Variants in C16orf74 observed in about 807,000 individuals in gnomAD.
C16orf74 encodes calcimembrin, also known as uncharacterized protein C16orf74.
A neutral mutation model predicts 6.5 loss-of-function variants in C16orf74; 10 were observed. That is an observed-to-expected ratio of 1.54 (90% CI 0.95 to 2.61). C16orf74 has a LOEUF of 2.61. Ranked by LOEUF, C16orf74 falls within the 30% of genes most tolerant of loss-of-function variation. C16orf74 has a pLI of 0.00. For missense variants in C16orf74, 141 were observed against 105.9 expected (o/e 1.33, Z -1.45); for synonymous variants, 60 against 42.5 (o/e 1.41, Z -1.60).
chr16:85,726,904 G>A (rs966137094), intron 2 of C16orf74, among the ~76,000 whole-genome samples: 1 of 152,166 alleles, frequency 6.6e-6, no homozygotes, highest in Non-Finnish European at 1.5e-5. Context: ...ACCGGAAACA[G>A]CCACCCCTTC....
chr16:85,737,053 A>T (rs1033489193), intron 1 of C16orf74, among the ~76,000 whole-genome samples: 6 of 152,088 alleles, frequency 3.9e-5, no homozygotes, highest in African/African-American at 9.7e-5. Context: ...GAGAAAAAAA[A>T]AAATGTAAAA....
intron 1 of C16orf74, 127 bp from the exon 2 acceptor site, chr16:85,735,362 C>A: frequency 2.0e-6 from 1 of 493,940 alleles, no homozygotes. Context: ...GAGAAACCAC[C>A]GGCCTCCAGG....
intron 2 of C16orf74, among the ~76,000 whole-genome samples, chr16:85,716,732 GGAGA>G (rs1302703804): frequency 6.6e-6 from 1 of 151,800 alleles, no homozygotes; most frequent in Non-Finnish European, 1.5e-5. Context: ...CAGGCAGGGA[GGAGA>G]GAGACACCCC....
chr16:85,746,958 C>T (rs751360772), intron 1 of C16orf74, among the ~76,000 whole-genome samples: 15 of 152,170 alleles, frequency 9.9e-5, no homozygotes, highest in Non-Finnish European at 1.5e-4. Flanking sequence ...AGCTTAGCCA[C>T]GGTCCTGCGG....
intron 1 of C16orf74, among the ~76,000 whole-genome samples, chr16:85,735,655 C>G (rs1249744127): frequency 1.3e-5 from 2 of 151,952 alleles, no homozygotes; most frequent in African/African-American, 4.8e-5. Context: ...CCCAGAGGCC[C>G]CCATGGCCAT....
rs763953882 is a variant in C16orf74 at position 85,708,040 on chromosome 16, G to C, written c.199C>G (p.Pro67Ala). 1.8e-5 allele frequency: 28 copies of C among 1,553,506 alleles called. No individual in the cohort carries two copies. In the South Asian group the frequency reaches 3.3e-4, roughly 18 times the overall value. Reference protein sequence around the residue: ...TVWLDETGSCPDDGEIDPEA With the variant: ...TVWLDETGSCADDGEIDPEA The stretch of plus-strand genomic sequence containing the variant: ...TCTGGGTCGATTTCTCCATCATCTG[G>C]GCACGACCCTGTCTCATCCAGCCAG... Residue 67 changes from proline (P) to alanine (A), a missense_variant, in exon 4 of 4, where the codon CCA becomes GCA. Physicochemically the swap from Pro to Ala is conservative, Grantham distance 27. Coordinates refer to ENST00000284245, the MANE Select transcript of C16orf74 (RefSeq NM_206967.3).
chr16:85,723,866 A>AC (rs1453182505), intron 2 of C16orf74, among the ~76,000 whole-genome samples: 3 of 152,328 alleles, frequency 2.0e-5, no homozygotes, highest in African/African-American at 7.2e-5. Context: ...GCCCAGACAC[A>AC]CATCTGCTCT....
At chr16:85,720,588 C>T (rs1266163298) in intron 2 of C16orf74, among the ~76,000 whole-genome samples, 1 of 151,994 alleles carries the variant, frequency 6.6e-6, no homozygotes, top group Non-Finnish European at 1.5e-5. Flanking sequence ...GCCTGGACAA[C>T]ATAGCAAGAC....
chr16:85,729,325 G>A (rs981125370), intron 2 of C16orf74, among the ~76,000 whole-genome samples: 4 of 152,208 alleles, frequency 2.6e-5, no homozygotes, highest in East Asian at 1.9e-4. Context: ...TTGGCCTGTG[G>A]GACACTCCCG....
At chr16:85,737,756 G>A (rs1304324943) in intron 1 of C16orf74, among the ~76,000 whole-genome samples, 1 of 152,000 alleles carries the variant, frequency 6.6e-6, no homozygotes, top group African/African-American at 2.4e-5. Context: ...TCTTGAACCT[G>A]GGAGATGGAG....
At chr16:85,735,968 T>G (rs2054240171) in intron 1 of C16orf74, among the ~76,000 whole-genome samples, 1 of 151,958 alleles carries the variant, frequency 6.6e-6, no homozygotes, top group South Asian at 2.1e-4. Context: ...CTCAGAGAGG[T>G]GGCGGCACCT....
At chr16:85,750,025 C>T (rs1468692988) in intron 1 of C16orf74, among the ~76,000 whole-genome samples, 1 of 152,226 alleles carries the variant, frequency 6.6e-6, no homozygotes, top group Non-Finnish European at 1.5e-5. Flanking sequence ...GGACAGGGGC[C>T]TCCCCACAGC....
chr16:85,721,508 T>C (rs1174056697), intron 2 of C16orf74, among the ~76,000 whole-genome samples: 1 of 152,200 alleles, frequency 6.6e-6, no homozygotes, highest in East Asian at 1.9e-4. Flanking sequence ...CAAATAGTTT[T>C]TTTAGTAGAG....
chr16:85,735,675 G>A (rs563966551), intron 1 of C16orf74, among the ~76,000 whole-genome samples: 11 of 146,844 alleles, frequency 7.5e-5, no homozygotes, highest in Admixed American at 5.4e-4. Context: ...TGTACCTCCC[G>A]TTCTAATGCT....
chr16:85,729,571 T>C (rs1319301852), intron 2 of C16orf74, among the ~76,000 whole-genome samples: 2 of 152,212 alleles, frequency 1.3e-5, no homozygotes, highest in Non-Finnish European at 2.9e-5. Context: ...GTCCCCCAAA[T>C]TCACATCAAC....
At chr16:85,728,211 T>G (rs528880779) in intron 2 of C16orf74, among the ~76,000 whole-genome samples, 1 of 152,326 alleles carries the variant, frequency 6.6e-6, no homozygotes, top group Admixed American at 6.5e-5. Context: ...GGATTTGTAT[T>G]GATTGGTTTG....
chr16:85,737,275 G>C (rs2054255210), intron 1 of C16orf74, among the ~76,000 whole-genome samples: 1 of 152,160 alleles, frequency 6.6e-6, no homozygotes. Context: ...AGCAGCACAG[G>C]CTTCCCGGTA....
intron 2 of C16orf74, among the ~76,000 whole-genome samples, chr16:85,733,995 G>T (rs1473895932): frequency 1.3e-5 from 2 of 152,198 alleles, no homozygotes; most frequent in East Asian, 3.8e-4. Flanking sequence ...TCCCAGCCTG[G>T]GAATCTGAAG....
chr16:85,711,701 G>C (rs1324297011), intron 2 of C16orf74, among the ~76,000 whole-genome samples: 1 of 151,754 alleles, frequency 6.6e-6, no homozygotes, highest in Non-Finnish European at 1.5e-5. Flanking sequence ...TACAATCCTT[G>C]TCTCTATGTC....
Sources: gnomAD v4.1 joint callset for allele counts (sites outside exome capture counted in the v4.1 genomes callset) on GRCh38, gnomAD v4.1.1 for gene constraint, MANE v1.5 for transcripts, NCBI Gene and HGNC (gene_info 2026-07-23, HGNC 2026-07-21) for gene names.